Variants in NSD1 observed in about 807,000 individuals in gnomAD.
NSD1 encodes histone-lysine N-methyltransferase, H3 lysine-36 specific.
Under a neutral mutation model 242.7 loss-of-function variants are expected in NSD1, and 26 were observed. The ratio of observed to expected loss-of-function variants is 0.11; its 90% CI spans 0.08 to 0.15. The LOEUF is 0.15. Among genes scored for constraint, NSD1 ranks in the 10% least tolerant of loss-of-function variants. NSD1 has a pLI of 1.00. For synonymous variants in NSD1, 1,106 were observed against 1,178.1 expected (o/e 0.94, Z 1.25); for missense variants, 2,495 against 3,272.8 (o/e 0.76, Z 5.80).
chr5:177,174,972 C>T lies in NSD1; in HGVS notation c.928-16912C>T, dbSNP rs995047537. 3.4e-5 allele frequency among the ~76,000 whole-genome samples: 5 copies of T among 146,368 alleles called. No homozygotes were observed. In the East Asian group the frequency reaches 8.5e-4, roughly 25 times the overall value. On this transcript the variant is annotated intron_variant, in intron 2 of 22. Coordinates refer to ENST00000439151, the MANE Select transcript of NSD1 (RefSeq NM_022455.5). ...CTGCAAGCTCTGCCTCCTGGGTTCA[C>T]GCCATTCTCCTGCCTCAGCCTCCCG...
At chr5:177,178,930 C>T (rs1760432611) in intron 2 of NSD1, among the ~76,000 whole-genome samples, 1 of 152,084 alleles carries the variant, frequency 6.6e-6, no homozygotes, top group Non-Finnish European at 1.5e-5. Context: ...AAGAGGTATG[C>T]ACAAGGGGAT....
At chr5:177,178,873 C>G (rs1264821430) in intron 2 of NSD1, among the ~76,000 whole-genome samples, 3 of 152,054 alleles carry the variant, frequency 2.0e-5, no homozygotes, top group Non-Finnish European at 4.4e-5. Context: ...TGTTGAGACT[C>G]TTAGAGTGTG....
At chr5:177,176,323 G>A (rs550918884) in intron 2 of NSD1, among the ~76,000 whole-genome samples, 3 of 150,476 alleles carry the variant, frequency 2.0e-5, no homozygotes, top group East Asian at 2.0e-4. Flanking sequence ...GCAATGGCAC[G>A]ATCTCGGCTC....
At chr5:177,278,802 A>T (rs1758605663) in intron 17 of NSD1, among the ~76,000 whole-genome samples, 1 of 152,240 alleles carries the variant, frequency 6.6e-6, no homozygotes, top group African/African-American at 2.4e-5. Context: ...TAGAAGACTA[A>T]ATTTGACTGT....
chr5:177,282,198 C>T (rs1758945854), intron 18 of NSD1, among the ~76,000 whole-genome samples: 1 of 152,162 alleles, frequency 6.6e-6, no homozygotes, highest in South Asian at 2.1e-4. Flanking sequence ...TAAGGACGCT[C>T]TAGTTTACTT....
intron 2 of NSD1, among the ~76,000 whole-genome samples, chr5:177,162,815 C>T (rs1758867222): frequency 6.6e-6 from 1 of 152,018 alleles, no homozygotes; most frequent in Admixed American, 6.6e-5. Flanking sequence ...GGCACAGGCG[C>T]TACCTCACCC....
chr5:177,285,981 C>T (rs58577922), intron 20 of NSD1, among the ~76,000 whole-genome samples: 1 of 152,042 alleles, frequency 6.6e-6, no homozygotes, highest in Non-Finnish European at 1.5e-5. Flanking sequence ...CTGCAACCTC[C>T]ACCTCGCGGG....
rs914420018 is a variant in NSD1 at position 177,213,189 on chromosome 5, A to C, written c.3796+994A>C. Among the ~76,000 whole-genome samples the C allele has an allele frequency of 2.1e-4, 32 of 152,232 alleles. 1 individual carries two copies. ...ATTACACAGTATACAGTTGAGGATA[A>C]AGCAGTGTGTGTATACATGTATATA... On this transcript the variant is annotated intron_variant, in intron 5 of 22. Coordinates refer to ENST00000439151, the MANE Select transcript of NSD1 (RefSeq NM_022455.5).
chr5:177,293,537 C>A (rs964546987), intron 22 of NSD1, among the ~76,000 whole-genome samples: 5 of 143,920 alleles, frequency 3.5e-5, no homozygotes, highest in South Asian at 2.3e-4. Flanking sequence ...CACCCCCGCC[C>A]CCCCCTCACC....
At chr5:177,271,075 C>T (rs1306001999) in intron 16 of NSD1, among the ~76,000 whole-genome samples, 1 of 151,998 alleles carries the variant, frequency 6.6e-6, no homozygotes, top group Non-Finnish European at 1.5e-5. Flanking sequence ...CAGGTCTGAG[C>T]CTGCCTAAGC....
At chr5:177,193,289 C>T (rs754864859) in intron 3 of NSD1, among the ~76,000 whole-genome samples, 28 of 151,918 alleles carry the variant, frequency 1.8e-4, no homozygotes, top group Non-Finnish European at 7.4e-5. Flanking sequence ...TACAGGCGTC[C>T]GCCACCATGC....
At chr5:177,247,298 C>T (rs895211280) in intron 10 of NSD1, among the ~76,000 whole-genome samples, 2 of 152,130 alleles carry the variant, frequency 1.3e-5, no homozygotes, top group African/African-American at 4.8e-5. Context: ...AGTGTGGTGG[C>T]ATGCGCCTAT....
At chr5:177,161,516 G>GT (rs1758746941) in intron 2 of NSD1, among the ~76,000 whole-genome samples, 1 of 151,908 alleles carries the variant, frequency 6.6e-6, no homozygotes, top group Non-Finnish European at 1.5e-5. Flanking sequence ...TAGAGATAGG[G>GT]TCTTACTATT....
chr5:177,275,679 T>C (rs1364073866), intron 17 of NSD1, among the ~76,000 whole-genome samples: 2 of 151,932 alleles, frequency 1.3e-5, no homozygotes, highest in African/African-American at 2.4e-5. Context: ...GTGATCGGCC[T>C]GCCTTAGCCT....
At chr5:177,165,180 C>T (rs1220415882) in intron 2 of NSD1, among the ~76,000 whole-genome samples, 1 of 151,970 alleles carries the variant, frequency 6.6e-6, no homozygotes, top group East Asian at 1.9e-4. Flanking sequence ...TTTATTTTAT[C>T]CTATTTATTT....
Position 177,267,629 on chromosome 5 carries a change from C to T in NSD1, c.5214C>T (p.Ile1738=). 1 of 1,613,976 alleles carries T rather than the reference C, an allele frequency of 6.2e-7. No homozygotes were observed. Among genetic ancestry groups the T allele is most frequent in the Non-Finnish European group, 8.5e-7 (1 of 1,179,934 alleles). The change falls in exon 15 of 23, where the codon ATC becomes ATT. Residue 1738 remains isoleucine (I), a synonymous_variant. Coordinates refer to ENST00000439151, the MANE Select transcript of NSD1 (RefSeq NM_022455.5). ...AFHRECLNID[I]PEGNWYCNDC... ...ATCGTGAATGCCTGAACATTGATAT[C>T]CCTGAAGGAAACTGGTATTGCAATG...
chr5:177,155,797 T>G (rs1304032030), intron 2 of NSD1, among the ~76,000 whole-genome samples: 5 of 152,030 alleles, frequency 3.3e-5, no homozygotes, highest in African/African-American at 1.2e-4. Flanking sequence ...GCAATTCTTC[T>G]GCCTCAGCTT....
intron 17 of NSD1, among the ~76,000 whole-genome samples, chr5:177,278,044 T>C (rs1320740545): frequency 1.3e-5 from 2 of 152,222 alleles, no homozygotes; most frequent in African/African-American, 2.4e-5. Flanking sequence ...TTGTAAGCCT[T>C]ATGCCTTATG....
intron 13 of NSD1, among the ~76,000 whole-genome samples, chr5:177,257,973 CTT>C (rs35034666): frequency 1.9e-5 from 1 of 52,548 alleles, no homozygotes; most frequent in Non-Finnish European, 3.2e-5. Context: ...CCCCCTGGGC[CTT>C]TTTTTTTTTT....
Sources: allele counts gnomAD v4.1 joint callset (sites outside exome capture counted in the v4.1 genomes callset), GRCh38; gene constraint gnomAD v4.1.1; transcripts MANE v1.5; gene names NCBI Gene and HGNC (gene_info 2026-07-23, HGNC 2026-07-21).